The following TLCD3B variants were observed in gnomAD, a reference collection of about 807,000 sequenced individuals.
TLCD3B encodes TLC domain containing 3B.
A neutral mutation model predicts 23.0 loss-of-function variants in TLCD3B; 9 were observed. That is an observed-to-expected ratio of 0.39 (90% CI 0.24 to 0.68). TLCD3B has a LOEUF of 0.68. Among genes scored for constraint, TLCD3B ranks in the 30% least tolerant of loss-of-function variants. The pLI is 0.44. For missense variants in TLCD3B, 307 were observed against 371.8 expected, an observed-to-expected ratio of 0.83 and a Z score of 1.43; for synonymous variants, 161 against 161.0, an observed-to-expected ratio of 1.00 and a Z score of 0.00.
At chr16:30,039,573 G>A (rs2071540755) in intron 3 of TLCD3B, among the ~76,000 whole-genome samples, 1 of 151,858 alleles carries the variant, frequency 6.6e-6, no homozygotes, top group Non-Finnish European at 1.5e-5. Flanking sequence ...TGGGACTACA[G>A]GTGTGCACAC....
rs1001928116 is a variant in TLCD3B, at chr16:30,030,035, C to A, written c.125+368G>T. On this transcript the variant is annotated intron_variant, in intron 1 of 4. Coordinates refer to ENST00000380495, the MANE Select transcript of TLCD3B (RefSeq NM_031478.6). ...GTGTAGAGTTGTACCATCCACTCCTCCATCCCTGGCCCCCAAACACTCACC... is the reference window on the plus strand; with the variant it reads ...GTGTAGAGTTGTACCATCCACTCCTACATCCCTGGCCCCCAAACACTCACC... The A allele has an allele frequency of 5.5e-5, 73 of 1,336,482 alleles. No homozygotes were observed. In the Admixed American group the frequency reaches 6.3e-4, roughly 12 times the overall value. 82.8% of individuals were successfully genotyped at this position (1,336,482 alleles called of 1,614,324 possible).
rs563734243 is a variant in TLCD3B, at chr16:30,042,961, G to A, written c.-228-1805C>T. ...AAAATACAAAAAAAATTAGCCAGGCGTGGTGGCACACGCCTGTAATCCCAG... is the reference window on the plus strand; with the variant it reads ...AAAATACAAAAAAAATTAGCCAGGCATGGTGGCACACGCCTGTAATCCCAG... On this transcript the variant is annotated intron_variant, in intron 2 of 6. Transcript: ENST00000561666. Among the ~76,000 whole-genome samples, 7 of 152,110 alleles carry A rather than the reference G, an allele frequency of 4.6e-5. No individual in the cohort carries two copies. The South Asian group carries it at 6.2e-4, about 14-fold the overall frequency.
At chr16:30,044,888 C>T (rs952905203) in intron 2 of TLCD3B, among the ~76,000 whole-genome samples, 3 of 151,444 alleles carry the variant, frequency 2.0e-5, no homozygotes, top group African/African-American at 4.9e-5. Context: ...GTCAAGGGTT[C>T]GAGACCAGCC....
chr16:30,027,296 G>A (rs1229146821), intron 2 of TLCD3B: 3 of 402,468 alleles, frequency 7.5e-6, no homozygotes, highest in Non-Finnish European at 1.5e-5. Context: ...TGCCTCCTGG[G>A]ACAGGCGATC....
upstream of TLCD3B, chr16:30,035,410 G>A (rs2071448387): frequency 7.8e-7 from 1 of 1,289,526 alleles, no homozygotes; most frequent in Admixed American, 2.3e-5. Context: ...GGTTCTGCAA[G>A]CCCCAGCGCA....
At position 30,027,262 on chromosome 16, in the gene TLCD3B, G is replaced by T. The variant is rs2071187437; in HGVS notation, c.210-419C>A. 6.9e-6 allele frequency: 3 copies of T among 434,008 alleles called. No homozygotes were observed. In the Admixed American group the frequency reaches 7.5e-5, roughly 11 times the overall value. 26.9% of individuals were successfully genotyped at this position (434,008 alleles called of 1,614,324 possible). On this transcript the variant is annotated intron_variant, in intron 2 of 4. Coordinates refer to ENST00000380495, the MANE Select transcript of TLCD3B (RefSeq NM_031478.6). Reference sequence around the variant, plus strand: ...AGGGGCGAGAGTGCTGGAGAGAGAGGTCACAGGGGTGGACGCCCATTCCTG... The same window carrying T: ...AGGGGCGAGAGTGCTGGAGAGAGAGTTCACAGGGGTGGACGCCCATTCCTG...
chr16:30,029,335 C>T lies in TLCD3B; in HGVS notation c.209+97G>A. The T allele has an allele frequency of 1.8e-6, 2 of 1,109,988 alleles. No individual in the cohort carries two copies. Among genetic ancestry groups the T allele is most frequent in the Non-Finnish European group, 2.7e-6 (2 of 743,870 alleles). 68.8% of individuals were successfully genotyped at this position (1,109,988 alleles called of 1,614,324 possible). A position where few individuals can be genotyped will look rare whatever the true frequency, so the allele number is the denominator to read the frequency against. On this transcript the variant is annotated intron_variant, in intron 2 of 4. Transcript: ENST00000380495. This position sits in a 1 kb window ranked among gnomAD's most constrained non-coding sequence, Gnocchi z 4.6. Reference sequence around the variant, plus strand: ...AGGCCCAAGTTAAGGGCTTGGGGACCACAGACAGAGTTCCCTCCAAGATGT... The same window carrying T: ...AGGCCCAAGTTAAGGGCTTGGGGACTACAGACAGAGTTCCCTCCAAGATGT...
chr16:30,035,207 C>T (rs946118182), upstream of TLCD3B: 1 of 967,854 alleles, frequency 1.0e-6, no homozygotes. Context: ...CCACCACGCC[C>T]AGCCTGCTGG....
chr16:30,036,114 C>T (rs138250684), upstream of TLCD3B: 137 of 1,247,864 alleles, frequency 1.1e-4, no homozygotes, highest in African/African-American at 1.7e-3. Flanking sequence ...CCCCGCCCGC[C>T]GCCCACCCTA....
chr16:30,039,990 C>T (rs988061445), intron 3 of TLCD3B, among the ~76,000 whole-genome samples: 20 of 151,458 alleles, frequency 1.3e-4, no homozygotes, highest in African/African-American at 4.8e-4. Context: ...AAAAATTAGC[C>T]AGGTATGGTG....
chr16:30,029,541 GA>G lies in TLCD3B; in HGVS notation c.126-27del, dbSNP rs779344878. 3 of 1,589,188 alleles carry G rather than the reference GA, an allele frequency of 1.9e-6. No homozygotes were observed. The African/African-American group carries it at 4.0e-5, about 21-fold the overall frequency. ...CTGGGGGAGAGAGGGAGGCGTGCTA[GA>G]AAGGCAGAAGGGAAGAGGCGTGTGC... is the stretch of plus-strand genomic sequence containing the variant. On this transcript the variant is annotated intron_variant, in intron 1 of 4. Coordinates refer to ENST00000380495, the MANE Select transcript of TLCD3B (RefSeq NM_031478.6). The surrounding 1 kb of genome is among the most constrained non-coding windows in gnomAD (Gnocchi z 4.6).
At chr16:30,033,957 T>C (rs1327457679), upstream of TLCD3B, among the ~76,000 whole-genome samples, 1 of 150,650 alleles carries the variant, frequency 6.6e-6, no homozygotes, top group African/African-American at 2.4e-5. Context: ...CAGAGTGAGA[T>C]TCTATCTCAA....
rs1301442826 is a variant in TLCD3B, at chr16:30,029,775, G to T, written c.126-260C>A. ...TTCCTTCCCCATTTGTGGAAACTGAGTCTCCCTCTTCTCAAGCCCGCAGGG... is the reference window on the plus strand; with the variant it reads ...TTCCTTCCCCATTTGTGGAAACTGATTCTCCCTCTTCTCAAGCCCGCAGGG... On this transcript the variant is annotated intron_variant, in intron 1 of 4. Coordinates refer to ENST00000380495, the MANE Select transcript of TLCD3B (RefSeq NM_031478.6). This position sits in a 1 kb window ranked among gnomAD's most constrained non-coding sequence, Gnocchi z 4.6. Among the ~76,000 whole-genome samples, 10 of 152,180 alleles carry T rather than the reference G, an allele frequency of 6.6e-5. No homozygotes were observed. Among genetic ancestry groups the T allele is most frequent in the African/African-American group, 2.2e-4 (9 of 41,440 alleles).
At chr16:30,046,953 A>G (rs2071683452) in intron 1 of TLCD3B, among the ~76,000 whole-genome samples, 1 of 152,212 alleles carries the variant, frequency 6.6e-6, no homozygotes, top group Non-Finnish European at 1.5e-5. Flanking sequence ...ATATTCATTA[A>G]TAGTCATTCA....
chr16:30,027,453 C>G, intron 2 of TLCD3B: 1 of 411,596 alleles, frequency 2.4e-6, no homozygotes, highest in Non-Finnish European at 4.9e-6. Flanking sequence ...GGCGGTGTGG[C>G]TCCACAGCCC....
chr16:30,042,413 G>A (rs1182073555), intron 2 of TLCD3B, among the ~76,000 whole-genome samples: 4 of 151,900 alleles, frequency 2.6e-5, no homozygotes, highest in African/African-American at 7.2e-5. Flanking sequence ...TAGTAGAGAC[G>A]GGGTTTCACC....
Position 30,029,768 on chromosome 16 carries a change from A to C in TLCD3B, c.126-253T>G, listed in dbSNP as rs2150982479. Among the ~76,000 whole-genome samples, 1 of 152,160 alleles carries C rather than the reference A, an allele frequency of 6.6e-6. No individual in the cohort carries two copies. The highest frequency in any genetic ancestry group is 2.1e-4 in the South Asian group (1 of 4,818). ...CACCTTCTTCCTTCCCCATTTGTGG[A>C]AACTGAGTCTCCCTCTTCTCAAGCC... On this transcript the variant is annotated intron_variant, in intron 1 of 4. Coordinates refer to ENST00000380495, the MANE Select transcript of TLCD3B (RefSeq NM_031478.6). The surrounding 1 kb of genome is among the most constrained non-coding windows in gnomAD (Gnocchi z 4.6).
At chr16:30,035,297 T>G (rs2071445960), upstream of TLCD3B, 2 of 1,282,682 alleles carry the variant, frequency 1.6e-6, no homozygotes, top group South Asian at 2.5e-5. Context: ...AAGTAAAAGA[T>G]CAGTTCCACC....
chr16:30,028,281 C>A (rs1438380070), intron 2 of TLCD3B, among the ~76,000 whole-genome samples: 1 of 152,170 alleles, frequency 6.6e-6, no homozygotes, highest in Non-Finnish European at 1.5e-5. Context: ...CAATTAGGTG[C>A]TCAGAAGTAG....
Sources: allele counts gnomAD v4.1 joint callset (sites outside exome capture counted in the v4.1 genomes callset), GRCh38; gene constraint gnomAD v4.1.1; non-coding constraint Gnocchi (gnomAD v3.1); transcripts MANE v1.5; gene names NCBI Gene and HGNC (gene_info 2026-07-23, HGNC 2026-07-21).